Variants in SUGCT observed in about 807,000 individuals in gnomAD.
The protein encoded by SUGCT is succinyl-CoA:glutarate CoA-transferase.
Under a neutral mutation model 55.0 loss-of-function variants are expected in SUGCT, and 41 were observed. That is an observed-to-expected ratio of 0.74 (90% CI 0.58 to 0.97). The LOEUF is 0.97. Ranked by LOEUF, SUGCT falls within the 50% of genes least tolerant of loss-of-function variation. The probability of loss-of-function intolerance (pLI) is 0.00; values close to 1 mark genes in which losing one functional copy is unlikely to be tolerated. For synonymous variants in SUGCT, 187 were observed against 200.4 expected, an observed-to-expected ratio of 0.93 and a Z score of 0.56; for missense variants, 568 against 547.8, an observed-to-expected ratio of 1.04 and a Z score of -0.37.
intron 11 of SUGCT, among the ~76,000 whole-genome samples, chr7:40,494,515 G>A (rs945868862): frequency 6.6e-6 from 1 of 152,138 alleles, no homozygotes; most frequent in African/African-American, 2.4e-5. Flanking sequence ...ATTTAGAAGT[G>A]AAGTATTTTA....
chr7:40,990,925 T>A, the SUGCT span, among the ~76,000 whole-genome samples: 1 of 152,214 alleles, frequency 6.6e-6, no homozygotes, highest in African/African-American at 2.4e-5. Context: ...AAGGGAATGT[T>A]GTGGCTGGCT....
chr7:40,726,751 C>T (rs911711764), intron 12 of SUGCT, among the ~76,000 whole-genome samples: 2 of 152,120 alleles, frequency 1.3e-5, no homozygotes, highest in African/African-American at 2.4e-5. Flanking sequence ...TTACCGCCAC[C>T]GTGAGGACAC....
chr7:40,641,995 T>G (rs935563501), intron 12 of SUGCT, among the ~76,000 whole-genome samples: 2 of 152,202 alleles, frequency 1.3e-5, no homozygotes, highest in African/African-American at 4.8e-5. Flanking sequence ...CAGAGGTCAC[T>G]CTGTAATGTA....
At chr7:40,874,061 C>G in the SUGCT span, among the ~76,000 whole-genome samples, 6 of 152,156 alleles carry the variant, frequency 3.9e-5, no homozygotes, top group Non-Finnish European at 8.8e-5. Context: ...AAATAGAAAT[C>G]TTAAGTAAAC....
the SUGCT span, among the ~76,000 whole-genome samples, chr7:41,003,337 T>A: frequency 2.0e-5 from 3 of 152,004 alleles, no homozygotes; most frequent in African/African-American, 7.3e-5. Context: ...AAAGAAGAAT[T>A]GTCATAAATA....
chr7:40,902,685 G>T, the SUGCT span, among the ~76,000 whole-genome samples: 1 of 151,644 alleles, frequency 6.6e-6, no homozygotes, highest in Non-Finnish European at 1.5e-5. Context: ...ATTTAATAAT[G>T]TTAAAATCTT....
At chr7:40,518,493 G>A (rs1477073894) in intron 12 of SUGCT, among the ~76,000 whole-genome samples, 1 of 152,096 alleles carries the variant, frequency 6.6e-6, no homozygotes, top group Non-Finnish European at 1.5e-5. Context: ...ATGAACCAAT[G>A]TCAACTCAGA....
chr7:40,409,990 T>C (rs1786583948), intron 9 of SUGCT, among the ~76,000 whole-genome samples: 1 of 152,174 alleles, frequency 6.6e-6, no homozygotes, highest in African/African-American at 2.4e-5. Flanking sequence ...CCTGTCTTAG[T>C]GTCTGTGTCT....
Position 40,574,366 on chromosome 7 carries a change from A to G in SUGCT, c.1089+77980A>G, listed in dbSNP as rs146595236. On this transcript the variant is annotated intron_variant, in intron 12 of 13. Transcript: ENST00000335693. ...AAGACTGTTTTAACCTTTATTTCCAATTTCATTTCTGAAGATATATTATGT... is the reference window on the plus strand; with the variant it reads ...AAGACTGTTTTAACCTTTATTTCCAGTTTCATTTCTGAAGATATATTATGT... 4.3e-3 allele frequency among the ~76,000 whole-genome samples: 654 copies of G among 152,160 alleles called. 6 individuals are homozygous for G. The highest frequency in any genetic ancestry group is 0.015 in the African/African-American group (629 of 41,516).
chr7:40,580,966 G>A (rs985460449), intron 12 of SUGCT, among the ~76,000 whole-genome samples: 3 of 152,094 alleles, frequency 2.0e-5, no homozygotes, highest in African/African-American at 4.8e-5. Context: ...GCCTAACAAC[G>A]CATTTTTCAG....
the SUGCT span, among the ~76,000 whole-genome samples, chr7:40,942,294 ATACTT>A: frequency 1.2e-4 from 18 of 152,104 alleles, no homozygotes; most frequent in Non-Finnish European, 2.2e-4. Flanking sequence ...TGTCTGAAAG[ATACTT>A]TACTTTTGCA....
chr7:40,241,569 ACT>A (rs2150891035), intron 7 of SUGCT, among the ~76,000 whole-genome samples: 2 of 143,290 alleles, frequency 1.4e-5, no homozygotes, highest in African/African-American at 5.2e-5. Flanking sequence ...TGAAAGAGAG[ACT>A]CTGTCTCAAA....
chr7:40,500,892 C>T (rs1201800317), intron 12 of SUGCT, among the ~76,000 whole-genome samples: 1 of 151,914 alleles, frequency 6.6e-6, no homozygotes, highest in Non-Finnish European at 1.5e-5. Flanking sequence ...CAAACACATA[C>T]ACATACACAT....
chr7:40,755,852 C>G (rs1005987520), intron 13 of SUGCT, among the ~76,000 whole-genome samples: 1 of 152,158 alleles, frequency 6.6e-6, no homozygotes, highest in African/African-American at 2.4e-5. Flanking sequence ...TGAATTGCTT[C>G]TGCCTGCTGG....
intron 12 of SUGCT, among the ~76,000 whole-genome samples, chr7:40,558,384 GA>G (rs147204549): frequency 0.09 from 13,725 of 152,218 alleles, 663 homozygotes; most frequent in Middle Eastern, 0.11. Flanking sequence ...GTCAATGGAT[GA>G]TTGGATAAAC....
intron 13 of SUGCT, among the ~76,000 whole-genome samples, chr7:40,786,742 G>C (rs1563003846): frequency 6.6e-6 from 1 of 152,042 alleles, no homozygotes; most frequent in Non-Finnish European, 1.5e-5. Context: ...AAAAATAATA[G>C]AATGCTGGCC....
At chr7:40,898,393 A>G in the SUGCT span, among the ~76,000 whole-genome samples, 1 of 149,516 alleles carries the variant, frequency 6.7e-6, no homozygotes, top group Non-Finnish European at 1.5e-5. Context: ...ACCAGAAGGA[A>G]GAAACTCCGG....
At chr7:40,276,107 C>A (rs1562637681) in intron 8 of SUGCT, among the ~76,000 whole-genome samples, 1 of 152,128 alleles carries the variant, frequency 6.6e-6, no homozygotes, top group Non-Finnish European at 1.5e-5. Flanking sequence ...AAATAAAAAA[C>A]ATCAATATGG....
intron 12 of SUGCT, among the ~76,000 whole-genome samples, chr7:40,741,245 C>G (rs540723184): frequency 7.3e-5 from 11 of 151,268 alleles, no homozygotes; most frequent in African/African-American, 2.7e-4. Context: ...GCACTCCAGC[C>G]TGGGTGATAA....
Sources: allele counts gnomAD v4.1 joint callset (sites outside exome capture counted in the v4.1 genomes callset), GRCh38; gene constraint gnomAD v4.1.1; transcripts MANE v1.5; gene names NCBI Gene and HGNC (gene_info 2026-07-23, HGNC 2026-07-21).